The following ATP13A5 variants were observed in gnomAD, a reference collection of about 807,000 sequenced individuals.
The protein encoded by ATP13A5 is ATPase 13A5, also known as probable cation-transporting ATPase 13A5.
In ATP13A5, 149 loss-of-function variants were observed where a neutral mutation model predicts 150.2. The ratio of observed to expected loss-of-function variants is 0.99; its 90% confidence interval spans 0.87 to 1.14. The LOEUF is 1.14. Ranked by LOEUF, ATP13A5 falls within the 50% of genes most tolerant of loss-of-function variation. The pLI is 0.00. For missense variants in ATP13A5, 1,383 were observed against 1,449.3 expected (o/e 0.95, Z 0.74); for synonymous variants, 497 against 522.2 (o/e 0.95, Z 0.66).
intron 23 of ATP13A5, among the ~76,000 whole-genome samples, chr3:193,304,434 G>A (rs1032462957): frequency 1.3e-5 from 2 of 152,178 alleles, no homozygotes; most frequent in African/African-American, 4.8e-5. Context: ...CTTTAGGTCA[G>A]TGATTCCTGC....
chr3:193,309,561 C>A (rs1718759127), intron 21 of ATP13A5, among the ~76,000 whole-genome samples: 1 of 152,170 alleles, frequency 6.6e-6, no homozygotes, highest in Non-Finnish European at 1.5e-5. Context: ...TGGCTTACTC[C>A]TAAGGAAGGG....
rs1290493786 is a variant in ATP13A5, at chr3:193,333,901, T to C, written c.1121A>G (p.Asn374Ser). 1.2e-6 allele frequency: 2 copies of C among 1,612,706 alleles called. No individual in the cohort carries two copies. The highest frequency in any genetic ancestry group is 1.7e-6 in the Non-Finnish European group (2 of 1,179,470). The change falls in exon 11 of 30, where the codon AAT becomes AGT. Residue 374 changes from asparagine (N) to serine (S), a missense_variant. By Grantham distance (46) the Asn-to-Ser change is conservative (BLOSUM62 1). Around this residue, in one of 3 missense-constraint regions of ATP13A5, gnomAD observed 787 missense variants for 771.9 expected, o/e 1.02. Transcript: ENST00000342358. Reference protein sequence around the residue: ...VRAVVLQTGYNTAKGDLVRSI... With the variant: ...VRAVVLQTGYSTAKGDLVRSI... ...TCTCACTAAGTCCCCTTTGGCTGTA[T>C]TGTAACCTACATAAAGATAATCATA...
At chr3:193,282,955 T>C (rs1298420165) in intron 27 of ATP13A5, among the ~76,000 whole-genome samples, 1 of 152,200 alleles carries the variant, frequency 6.6e-6, no homozygotes, top group African/African-American at 2.4e-5. Flanking sequence ...GAGGATACAC[T>C]GATCTTGCCA....
intron 27 of ATP13A5, among the ~76,000 whole-genome samples, chr3:193,283,782 C>T (rs548265354): frequency 1.3e-5 from 2 of 151,818 alleles, no homozygotes; most frequent in African/African-American, 2.4e-5. Flanking sequence ...AAGTAATTTA[C>T]ACAAGTATAC....
intron 8 of ATP13A5, 78 bp downstream of exon 8, chr3:193,344,925 A>AATTTCTC: frequency 7.5e-7 from 1 of 1,332,392 alleles, no homozygotes; most frequent in Non-Finnish European, 1.1e-6. Flanking sequence ...TTTCTCCTTG[A>AATTTCTC]CTAATAATTA....
At chr3:193,280,317 G>A (rs1211646203) in intron 27 of ATP13A5, among the ~76,000 whole-genome samples, 2 of 152,118 alleles carry the variant, frequency 1.3e-5, no homozygotes, top group African/African-American at 4.8e-5. Flanking sequence ...CTCCCAAAGT[G>A]CTATGATTAC....
Position 193,326,947 on chromosome 3 carries a change from C to T in ATP13A5, c.1523+49G>A, listed in dbSNP as rs750177674. The T allele has an allele frequency of 7.9e-6, 12 of 1,517,566 alleles. No homozygotes were observed. In the South Asian group the frequency reaches 1.2e-4, roughly 16 times the overall value. 94.0% of individuals were successfully genotyped at this position (1,517,566 alleles called of 1,614,324 possible). A position where few individuals can be genotyped will look rare whatever the true frequency, so the allele number is the denominator to read the frequency against. On this transcript the variant is annotated intron_variant, in intron 13 of 29. Transcript: ENST00000342358. ...CCCAAAAGATGGATTTGAGTATCAT[C>T]CAGGTAACTCCACCAAACACACCTT...
intron 1 of ATP13A5, among the ~76,000 whole-genome samples, chr3:193,374,301 CAG>C (rs4019161): frequency 0.2 from 29,519 of 144,100 alleles, 3,057 homozygotes; most frequent in East Asian, 0.35. Context: ...CACACACACA[CAG>C]AGAGAGAGAG....
At chr3:193,358,860 C>A (rs1712892441) in intron 5 of ATP13A5, among the ~76,000 whole-genome samples, 2 of 152,106 alleles carry the variant, frequency 1.3e-5, no homozygotes, top group South Asian at 4.2e-4. Flanking sequence ...TACAAAGAAA[C>A]CGAGTGCAGG....
At chr3:193,349,699 C>A (rs983935394) in intron 7 of ATP13A5, among the ~76,000 whole-genome samples, 11 of 151,920 alleles carry the variant, frequency 7.2e-5, no homozygotes, top group Admixed American at 2.0e-4. Flanking sequence ...CAATGAGACC[C>A]GGTTTTTTTA....
intron 7 of ATP13A5, among the ~76,000 whole-genome samples, chr3:193,350,496 T>C (rs1712523079): frequency 3.3e-5 from 5 of 152,234 alleles, no homozygotes; most frequent in Admixed American, 1.3e-4. Flanking sequence ...TCAAACCTAA[T>C]TTTTTCCACA....
intron 25 of ATP13A5, among the ~76,000 whole-genome samples, chr3:193,298,464 G>T (rs1378006519): frequency 6.6e-6 from 1 of 151,982 alleles, no homozygotes; most frequent in African/African-American, 2.4e-5. Context: ...AATTCTCAAG[G>T]TTATTAATAT....
chr3:193,364,712 T>C (rs537163265), intron 1 of ATP13A5, among the ~76,000 whole-genome samples: 1 of 152,280 alleles, frequency 6.6e-6, no homozygotes, highest in South Asian at 2.1e-4. Context: ...ACAGATGTGA[T>C]CTACACTCAT....
In ATP13A5 at chr3:193,279,376, C is replaced by T. The variant is rs772892546; in HGVS notation, c.3305G>A (p.Arg1102His). 44 of 1,612,978 alleles carry T rather than the reference C, an allele frequency of 2.7e-5. No homozygotes were observed. Among genetic ancestry groups the T allele is most frequent in the Admixed American group, 3.3e-5 (2 of 59,992 alleles). The change falls in exon 28 of 30, where the codon CGT becomes CAT. Residue 1102 changes from arginine (R) to histidine (H), a missense_variant. By Grantham distance (29) the Arg-to-His change is conservative. Transcript: ENST00000342358. Reference protein sequence around the residue: ...ILFSDFQVIYRGMELIPTITS... With the variant: ...ILFSDFQVIYHGMELIPTITS... ...ATGAATGCCACTTACCTCCATTCCACGGTATATAACTTGAAAGTCAGAAAA... is the reference window on the plus strand; with the variant it reads ...ATGAATGCCACTTACCTCCATTCCATGGTATATAACTTGAAAGTCAGAAAA...
At chr3:193,285,998 T>G (rs1166130775) in intron 26 of ATP13A5, among the ~76,000 whole-genome samples, 1 of 152,214 alleles carries the variant, frequency 6.6e-6, no homozygotes, top group African/African-American at 2.4e-5. Context: ...TGTGGTTTTG[T>G]TTTTTGGTTT....
intron 1 of ATP13A5, 92 bp from the exon 2 acceptor site, chr3:193,364,372 A>G (rs1713162230): frequency 2.0e-6 from 3 of 1,479,560 alleles, no homozygotes; most frequent in South Asian, 1.3e-5. Context: ...AGATGAAAGA[A>G]TGTTGGCTGG....
intron 25 of ATP13A5, among the ~76,000 whole-genome samples, chr3:193,291,457 G>A (rs1038322909): frequency 1.3e-5 from 2 of 152,004 alleles, no homozygotes; most frequent in African/African-American, 4.8e-5. Flanking sequence ...TCTTATGCAC[G>A]GTGGGCTTTG....
At chr3:193,301,596 CA>C (rs1198305184) in intron 23 of ATP13A5, among the ~76,000 whole-genome samples, 2 of 152,210 alleles carry the variant, frequency 1.3e-5, no homozygotes, top group African/African-American at 4.8e-5. Context: ...TCATTTTCAA[CA>C]AGCTTTCAGT....
intron 9 of ATP13A5, among the ~76,000 whole-genome samples, chr3:193,338,455 T>C (rs967045931): frequency 2.6e-5 from 4 of 152,204 alleles, no homozygotes; most frequent in African/African-American, 9.6e-5. Flanking sequence ...GCTGTTGAAT[T>C]TTATGGAAGG....
Sources: gnomAD v4.1 joint callset for allele counts (sites outside exome capture counted in the v4.1 genomes callset) on GRCh38, gnomAD v4.1.1 for gene constraint, gnomAD v4.1.1 regional missense constraint, MANE v1.5 for transcripts, NCBI Gene and HGNC (gene_info 2026-07-23, HGNC 2026-07-21) for gene names.